Variants in PLLP observed in about 807,000 individuals in gnomAD.
The protein encoded by PLLP is plasma membrane proteolipid (plasmolipin).
PLLP carries 15 observed loss-of-function variants against 19.7 expected under a neutral mutation model. The observed-to-expected ratio is 0.76, with a 90% CI of 0.51 to 1.17. The LOEUF (loss-of-function observed/expected upper bound fraction) is 1.17, where lower values mean the gene tolerates loss of function less well. PLLP is among the 50% of genes most tolerant of loss of function. The pLI, the probability that PLLP is intolerant of heterozygous loss-of-function variation, is 0.00. For missense variants in PLLP, 255 were observed against 258.3 expected, an observed-to-expected ratio of 0.99 and a Z score of 0.09; for synonymous variants, 111 against 116.3, an observed-to-expected ratio of 0.95 and a Z score of 0.29.
intron 2 of PLLP, among the ~76,000 whole-genome samples, chr16:57,261,341 C>A (rs2075441163): frequency 6.6e-6 from 1 of 152,128 alleles, no homozygotes; most frequent in Non-Finnish European, 1.5e-5. Flanking sequence ...TGGCCTCTTA[C>A]AAATCCACTC....
chr16:57,270,886 T>TG (rs1844176853), intron 1 of PLLP, among the ~76,000 whole-genome samples: 1 of 152,096 alleles, frequency 6.6e-6, no homozygotes, highest in Non-Finnish European at 1.5e-5. Context: ...GTCGGAAAAA[T>TG]GGGCATGTAA....
intron 1 of PLLP, among the ~76,000 whole-genome samples, chr16:57,264,669 G>A (rs1266855878): frequency 6.6e-6 from 1 of 152,078 alleles, no homozygotes; most frequent in Admixed American, 6.5e-5. Flanking sequence ...CAATATACAG[G>A]GAGCCCATCT....
chr16:57,275,093 TCACA>T (rs60029615), intron 1 of PLLP, among the ~76,000 whole-genome samples: 1,503 of 121,388 alleles, frequency 0.012, 13 homozygotes, highest in East Asian at 0.047. Flanking sequence ...TCCAGGGACT[TCACA>T]CACACACACA....
At chr16:57,271,197 C>G (rs2075474011) in intron 1 of PLLP, among the ~76,000 whole-genome samples, 1 of 151,012 alleles carries the variant, frequency 6.6e-6, no homozygotes, top group African/African-American at 2.4e-5. Context: ...GCACACCTAC[C>G]CCAGTGGCTG....
intron 1 of PLLP, chr16:57,263,307 A>C (rs2075447497): frequency 6.6e-6 from 1 of 152,224 alleles, no homozygotes; most frequent in Admixed American, 6.5e-5. Flanking sequence ...GGGCCTGACC[A>C]TCCCAGCAGA....
intron 1 of PLLP, among the ~76,000 whole-genome samples, chr16:57,268,890 T>C (rs960967503): frequency 5.3e-5 from 8 of 152,292 alleles, no homozygotes; most frequent in African/African-American, 1.7e-4. Flanking sequence ...TTCGCCACGG[T>C]GTGTGAGGCT....
intron 1 of PLLP, among the ~76,000 whole-genome samples, chr16:57,266,116 G>C (rs2075456335): frequency 6.6e-6 from 1 of 152,160 alleles, no homozygotes; most frequent in South Asian, 2.1e-4. Context: ...ATTTAGTGAA[G>C]TGTAAAAAAT....
rs1255519991 is a variant in PLLP at position 57,268,742 on chromosome 16, C to A, written c.136-6672G>T. On this transcript the variant is annotated intron_variant, in intron 1 of 3. Coordinates refer to ENST00000219207, the MANE Select transcript of PLLP (RefSeq NM_015993.3). ...GGCTTAACTGATCCTCCTGCCTGGGCCCTAGGGTAGTTTTGAGCAAGGAAC... is the reference window on the plus strand; with the variant it reads ...GGCTTAACTGATCCTCCTGCCTGGGACCTAGGGTAGTTTTGAGCAAGGAAC... Among the ~76,000 whole-genome samples the A allele has an allele frequency of 3.3e-5, 5 of 152,302 alleles. No individual in the cohort carries two copies. The East Asian group carries it at 9.6e-4, about 29-fold the overall frequency.
intron 1 of PLLP, among the ~76,000 whole-genome samples, chr16:57,282,505 G>A (rs1901232828): frequency 6.6e-6 from 1 of 151,730 alleles, no homozygotes; most frequent in Non-Finnish European, 1.5e-5. Context: ...GTCCATCAGG[G>A]GCCAGCCTCA....
Position 57,261,882 on chromosome 16 carries a change from C to A in PLLP, c.309+15G>T. ...TCCTGTCATAGCCACTTCCAGTACCCCCACCCAGACTCACCACCAGTGGCC... is the reference window on the plus strand; with the variant it reads ...TCCTGTCATAGCCACTTCCAGTACCACCACCCAGACTCACCACCAGTGGCC... On this transcript the variant is annotated intron_variant, in intron 2 of 3. Transcript: ENST00000219207. 1 of 1,612,484 alleles carries A rather than the reference C, an allele frequency of 6.2e-7. No individual in the cohort carries two copies. Among genetic ancestry groups the A allele is most frequent in the Non-Finnish European group, 8.5e-7 (1 of 1,178,596 alleles).
intron 1 of PLLP, among the ~76,000 whole-genome samples, chr16:57,278,686 C>T (rs542931991): frequency 1.3e-5 from 2 of 152,108 alleles, no homozygotes; most frequent in Non-Finnish European, 2.9e-5. Flanking sequence ...ATTGGGCATG[C>T]GGGGCCTGGA....
At chr16:57,257,902 C>T (rs561922243) in intron 3 of PLLP, among the ~76,000 whole-genome samples, 32 of 152,202 alleles carry the variant, frequency 2.1e-4, no homozygotes, top group Non-Finnish European at 3.4e-4. Flanking sequence ...GCCCAGGCCG[C>T]GTGTGGCAGC....
At chr16:57,269,847 C>T (rs1218714289) in intron 1 of PLLP, among the ~76,000 whole-genome samples, 9 of 152,156 alleles carry the variant, frequency 5.9e-5, no homozygotes, top group Admixed American at 5.9e-4. Flanking sequence ...CTCACTGCAA[C>T]CTCTGCCTCC....
chr16:57,260,511 G>A (rs574092318), intron 2 of PLLP, among the ~76,000 whole-genome samples: 70 of 152,208 alleles, frequency 4.6e-4, no homozygotes, highest in Non-Finnish European at 8.5e-4. Context: ...CAGGGATGTC[G>A]AGATCTAACA....
chr16:57,262,979 C>T (rs2075446577), intron 1 of PLLP, among the ~76,000 whole-genome samples: 1 of 152,184 alleles, frequency 6.6e-6, no homozygotes, highest in Admixed American at 6.5e-5. Flanking sequence ...CACGAGGGCA[C>T]AGCCGTGGCT....
chr16:57,264,856 G>A (rs1289861306), intron 1 of PLLP, among the ~76,000 whole-genome samples: 2 of 151,952 alleles, frequency 1.3e-5, no homozygotes, highest in Non-Finnish European at 2.9e-5. Flanking sequence ...CAAAATAAAC[G>A]AAAATAAATA....
At chr16:57,258,698 G>T (rs1307259330) in intron 2 of PLLP, 114 bp from the exon 3 acceptor site, 1 of 1,030,330 alleles carries the variant, frequency 9.7e-7, no homozygotes, top group Non-Finnish European at 1.5e-6. Context: ...GAAGTGGAAG[G>T]ATCGCTTGAG....
At position 57,284,466 on chromosome 16, in the gene PLLP, C is replaced by A; in HGVS notation, c.75G>T (p.Ala25=). 1.4e-6 allele frequency: 2 copies of A among 1,421,476 alleles called. No individual in the cohort carries two copies. The highest frequency in any genetic ancestry group is 1.8e-6 in the Non-Finnish European group (2 of 1,083,576). The allele number at this position is 1,421,476 out of a possible 1,614,324, so 88.1% of individuals were successfully genotyped here. A position where few individuals can be genotyped will look rare whatever the true frequency, so the allele number is the denominator to read the frequency against. The change falls in exon 1 of 4, where the codon GCG becomes GCT. Residue 25 remains alanine, a synonymous_variant. Coordinates refer to ENST00000219207, the MANE Select transcript of PLLP (RefSeq NM_015993.3). ...PAQGAEASVS[A]LRPDLGFVRS... ...GCACGAAGCCCAGGTCCGGGCGCAG[C>A]GCCGACACCGAGGCTTCGGCGCCCT... is the stretch of plus-strand genomic sequence containing the variant.
chr16:57,268,939 T>C (rs1567530925), intron 1 of PLLP, among the ~76,000 whole-genome samples: 1 of 152,054 alleles, frequency 6.6e-6, no homozygotes. Context: ...AATGACAGTA[T>C]CCACATTCAA....
Sources: gnomAD v4.1 joint callset for allele counts (sites outside exome capture counted in the v4.1 genomes callset) on GRCh38, gnomAD v4.1.1 for gene constraint, MANE v1.5 for transcripts, NCBI Gene and HGNC (gene_info 2026-07-23, HGNC 2026-07-21) for gene names.